The following BBX variants were observed in gnomAD, a reference collection of about 807,000 sequenced individuals.
BBX encodes the protein HMG box transcription factor BBX.
Under a neutral mutation model 100.2 loss-of-function variants are expected in BBX, and 30 were observed. That is an observed-to-expected ratio of 0.30 (90% confidence interval 0.22 to 0.41). BBX has a LOEUF of 0.41. Among genes scored for constraint, BBX ranks in the 10% least tolerant of loss-of-function variants. The pLI is 1.00. For missense variants in BBX, 1,023 were observed against 1,129.8 expected (o/e 0.91, Z 1.35); for synonymous variants, 376 against 388.1 (o/e 0.97, Z 0.37).
intron 2 of BBX, among the ~76,000 whole-genome samples, chr3:107,619,906 G>A (rs1214633493): frequency 6.6e-6 from 1 of 152,068 alleles, no homozygotes; most frequent in South Asian, 2.1e-4. Context: ...GTTTGACTAT[G>A]TTGTGTCTTG....
rs572509465 is a variant in BBX, at chr3:107,530,919, T to C, written c.-84+4521T>C. ...TCTATCAAATTGATTTCATGACTTA[T>C]AGTTTGAAAAACACTGGCCTAGAGT... is the stretch of plus-strand genomic sequence containing the variant. On this transcript the variant is annotated intron_variant, in intron 2 of 17. Transcript: ENST00000325805. 5.3e-5 allele frequency among the ~76,000 whole-genome samples: 8 copies of C among 152,366 alleles called. No individual in the cohort carries two copies. In the East Asian group the frequency reaches 1.5e-3, roughly 29 times the overall value.
At chr3:107,724,538 C>A (rs927815344) in intron 5 of BBX, among the ~76,000 whole-genome samples, 1 of 152,066 alleles carries the variant, frequency 6.6e-6, no homozygotes, top group South Asian at 2.1e-4. Flanking sequence ...TTTATGGTTT[C>A]AGTTCTAACA....
chr3:107,540,377 C>T (rs567663740), intron 2 of BBX, among the ~76,000 whole-genome samples: 8 of 152,068 alleles, frequency 5.3e-5, no homozygotes, highest in Non-Finnish European at 1.0e-4. Context: ...CTTTGTTTCC[C>T]GAGTCCTAGG....
chr3:107,760,032 C>T (rs1461517653), intron 10 of BBX, among the ~76,000 whole-genome samples: 4 of 152,196 alleles, frequency 2.6e-5, no homozygotes, highest in Admixed American at 2.0e-4. Flanking sequence ...ATTTGATTCT[C>T]ACAACTATCC....
At chr3:107,786,704 G>A (rs975708779) in intron 13 of BBX, among the ~76,000 whole-genome samples, 1 of 151,902 alleles carries the variant, frequency 6.6e-6, no homozygotes, top group Non-Finnish European at 1.5e-5. Flanking sequence ...AAAGCAAATG[G>A]GCAAATCTTT....
chr3:107,690,892 C>CTTTTTTTTTTTTTTTTTTTTTT (rs66523709), intron 3 of BBX, among the ~76,000 whole-genome samples: 1 of 41,190 alleles, frequency 2.4e-5, no homozygotes, highest in African/African-American at 1.1e-4. Context: ...GCCCCCCCCC[C>CTTTTTTTTTTTTTTTTTTTTTT]TTTTTTTTTT....
intron 7 of BBX, among the ~76,000 whole-genome samples, chr3:107,737,645 G>A (rs2063726420): frequency 6.6e-6 from 1 of 152,078 alleles, no homozygotes; most frequent in Non-Finnish European, 1.5e-5. Flanking sequence ...GCATGTCAGG[G>A]AACAAACCAG....
intron 2 of BBX, among the ~76,000 whole-genome samples, chr3:107,595,699 T>C (rs548928618): frequency 6.6e-6 from 1 of 152,318 alleles, no homozygotes; most frequent in South Asian, 2.1e-4. Flanking sequence ...TATAGTTAAA[T>C]TGTTCTATAC....
intron 2 of BBX, among the ~76,000 whole-genome samples, chr3:107,574,803 T>C (rs552053553): frequency 9.8e-5 from 15 of 152,286 alleles, no homozygotes; most frequent in Non-Finnish European, 1.9e-4. Context: ...AATTGATTTA[T>C]TTTTGAGAAG....
chr3:107,700,746 G>A (rs200862740), intron 3 of BBX, among the ~76,000 whole-genome samples: 8 of 151,160 alleles, frequency 5.3e-5, no homozygotes, highest in South Asian at 2.1e-4. Context: ...CTTCATCCAC[G>A]TCCCTACAAA....
chr3:107,735,562 A>G (rs1232553339), intron 7 of BBX, among the ~76,000 whole-genome samples: 1 of 152,102 alleles, frequency 6.6e-6, no homozygotes, highest in African/African-American at 2.4e-5. Flanking sequence ...CTAACCATAT[A>G]GAAAAAGTCC....
At chr3:107,649,645 G>A (rs561835743) in intron 3 of BBX, among the ~76,000 whole-genome samples, 1 of 110,838 alleles carries the variant, frequency 9.0e-6, no homozygotes, top group African/African-American at 2.7e-5. Context: ...TATCTAAAAT[G>A]TGTTTGTTTT....
At chr3:107,763,142 C>A (rs2066034461) in intron 10 of BBX, among the ~76,000 whole-genome samples, 1 of 151,946 alleles carries the variant, frequency 6.6e-6, no homozygotes, top group African/African-American at 2.4e-5. Flanking sequence ...ATCTGAGACA[C>A]TTCTGATGCC....
In BBX at chr3:107,755,593, T is replaced by C. The variant is rs899559762; in HGVS notation, c.826-5T>C. The C allele has an allele frequency of 1.9e-6, 3 of 1,612,284 alleles. No homozygotes were observed. The highest frequency in any genetic ancestry group is 1.7e-4 in the Middle Eastern group (1 of 6,058). On this transcript the variant is annotated splice_region_variant and splice_polypyrimidine_tract_variant and intron_variant, in intron 9 of 17. Coordinates refer to ENST00000325805, the MANE Select transcript of BBX (RefSeq NM_001142568.3). ...TATTCCCTATTTGGATTGTCTTTAA[T>C]ATAGATTTCTTCAAACACTTCGCAG...
At chr3:107,704,792 G>A (rs553867391) in intron 3 of BBX, among the ~76,000 whole-genome samples, 1 of 152,238 alleles carries the variant, frequency 6.6e-6, no homozygotes, top group Admixed American at 6.5e-5. Flanking sequence ...GCAGGGTGCA[G>A]GGGAGTTGTC....
chr3:107,770,887 G>A (rs1262286994), intron 10 of BBX, among the ~76,000 whole-genome samples: 1 of 151,860 alleles, frequency 6.6e-6, no homozygotes, highest in African/African-American at 2.4e-5. Context: ...AGAAAAATGA[G>A]GTAAAAAAGC....
chr3:107,801,447 A>G (rs1214418099), intron 17 of BBX, among the ~76,000 whole-genome samples, 166 bp downstream of exon 17: 2 of 152,210 alleles, frequency 1.3e-5, no homozygotes, highest in Non-Finnish European at 2.9e-5. Context: ...GCAGTGCGGG[A>G]AAATACCAGG....
chr3:107,721,486 G>A (rs1420069280), intron 5 of BBX, among the ~76,000 whole-genome samples: 1 of 151,858 alleles, frequency 6.6e-6, no homozygotes, highest in Non-Finnish European at 1.5e-5. Context: ...TTTGAGTATG[G>A]TTTAATTAGG....
chr3:107,527,835 A>G (rs540098985), intron 2 of BBX, among the ~76,000 whole-genome samples: 1 of 152,306 alleles, frequency 6.6e-6, no homozygotes, highest in Admixed American at 6.5e-5. Context: ...AGCTTGTTTG[A>G]AAAGTTTCAT....
Sources: gnomAD v4.1 joint callset for allele counts (sites outside exome capture counted in the v4.1 genomes callset) on GRCh38, gnomAD v4.1.1 for gene constraint, MANE v1.5 for transcripts, NCBI Gene and HGNC (gene_info 2026-07-23, HGNC 2026-07-21) for gene names.